SHISA6: variants seen among roughly 807,000 people sequenced by gnomAD.
SHISA6 encodes protein shisa-6.
SHISA6 carries 22 observed loss-of-function variants against 47.9 expected under a neutral mutation model. The observed-to-expected ratio is 0.46, with a 90% CI of 0.33 to 0.66. SHISA6 has a LOEUF of 0.66. Among genes scored for constraint, SHISA6 ranks in the 30% least tolerant of loss-of-function variants. SHISA6 has a pLI of 0.02. For missense variants in SHISA6, 680 were observed against 764.6 expected (o/e 0.89, Z 1.30); for synonymous variants, 388 against 337.8 (o/e 1.15, Z -1.63).
chr17:11,388,903 A>G (rs573945278), intron 3 of SHISA6, among the ~76,000 whole-genome samples: 2 of 148,450 alleles, frequency 1.3e-5, no homozygotes, highest in Admixed American at 1.4e-4. Context: ...TCTGTTTGCA[A>G]GTTCAGCCAT....
chr17:11,305,396 A>G (rs999249667), intron 2 of SHISA6, among the ~76,000 whole-genome samples: 2 of 152,344 alleles, frequency 1.3e-5, no homozygotes, highest in Admixed American at 1.3e-4. Context: ...ATGCACAGGA[A>G]GAGGGGGAGC....
chr17:11,242,079 G>T lies in SHISA6; in HGVS notation c.638+19G>T, dbSNP rs759055980. ...TCCACAGGTGAGAGCGCCGCGTGCC[G>T]CGCGCCCCGGTCTCCCCGCGGCCTC... On this transcript the variant is annotated intron_variant, in intron 1 of 5. Coordinates refer to ENST00000441885, the MANE Select transcript of SHISA6 (RefSeq NM_207386.4). 55 of 1,548,622 alleles carry T rather than the reference G, an allele frequency of 3.6e-5. No homozygotes were observed. Among genetic ancestry groups the T allele is most frequent in the Non-Finnish European group, 4.6e-5 (53 of 1,146,954 alleles).
chr17:11,531,934 A>C (rs1306070161), intron 3 of SHISA6, among the ~76,000 whole-genome samples: 2 of 152,260 alleles, frequency 1.3e-5, no homozygotes, highest in Non-Finnish European at 2.9e-5. Flanking sequence ...GTATCAAAAC[A>C]CTTTGTGCCA....
At chr17:11,262,468 A>C (rs1908266229) in intron 1 of SHISA6, among the ~76,000 whole-genome samples, 2 of 152,166 alleles carry the variant, frequency 1.3e-5, no homozygotes, top group South Asian at 4.1e-4. Flanking sequence ...TGGGTATCTC[A>C]CATGTCACAC....
chr17:11,402,390 G>C (rs1354718155), intron 3 of SHISA6, among the ~76,000 whole-genome samples: 1 of 152,168 alleles, frequency 6.6e-6, no homozygotes, highest in Non-Finnish European at 1.5e-5. Flanking sequence ...AATAATTCTA[G>C]ATGTTAATCA....
At chr17:11,274,280 G>A (rs1161677601) in intron 2 of SHISA6, among the ~76,000 whole-genome samples, 1 of 152,216 alleles carries the variant, frequency 6.6e-6, no homozygotes, top group Non-Finnish European at 1.5e-5. Flanking sequence ...CACCCAGGGA[G>A]CCAGAGGATT....
chr17:11,505,272 A>G (rs1411922735), intron 3 of SHISA6, among the ~76,000 whole-genome samples: 1 of 152,192 alleles, frequency 6.6e-6, no homozygotes, highest in African/African-American at 2.4e-5. Context: ...TTCTGGGTTC[A>G]CACACTATAG....
intron 2 of SHISA6, among the ~76,000 whole-genome samples, chr17:11,373,371 C>T (rs1488959921): frequency 6.6e-6 from 1 of 151,216 alleles, no homozygotes; most frequent in African/African-American, 2.4e-5. Context: ...TCCATCTATC[C>T]ATCCATCATT....
chr17:11,462,996 C>T (rs1253912157), intron 3 of SHISA6, among the ~76,000 whole-genome samples: 8 of 152,190 alleles, frequency 5.3e-5, no homozygotes, highest in African/African-American at 1.9e-4. Flanking sequence ...TGATCACTAC[C>T]ATGAAGCACA....
rs111435557 is a variant in SHISA6, at chr17:11,293,180, A to G, written c.799+29654A>G. Among the ~76,000 whole-genome samples the G allele has an allele frequency of 7.9e-3, 1,201 of 152,226 alleles. 11 individuals are homozygous for G. The highest frequency in any genetic ancestry group is 0.02 in the South Asian group (98 of 4,818). On this transcript the variant is annotated intron_variant, in intron 2 of 5. Coordinates refer to ENST00000441885, the MANE Select transcript of SHISA6 (RefSeq NM_207386.4). ...AGTTGCTGTATGGATTGATATTTTT[A>G]TAAGTTTTTCACAGTTGCATTCTAA...
chr17:11,379,004 C>G (rs866912338), intron 2 of SHISA6, among the ~76,000 whole-genome samples: 13 of 151,756 alleles, frequency 8.6e-5, no homozygotes, highest in African/African-American at 3.1e-4. Context: ...CCAGAAATGC[C>G]AAAATCAAGC....
At chr17:11,463,758 T>A (rs1425216634) in intron 3 of SHISA6, among the ~76,000 whole-genome samples, 1 of 152,266 alleles carries the variant, frequency 6.6e-6, no homozygotes, top group African/African-American at 2.4e-5. Context: ...CAATTATTTA[T>A]CCATTTTCCT....
chr17:11,291,851 T>C (rs1311942713), intron 2 of SHISA6, among the ~76,000 whole-genome samples: 1 of 152,104 alleles, frequency 6.6e-6, no homozygotes. Flanking sequence ...GAGACATCAG[T>C]TTGACTAGAT....
chr17:11,332,507 G>A (rs546617081), intron 2 of SHISA6, among the ~76,000 whole-genome samples: 2 of 152,218 alleles, frequency 1.3e-5, no homozygotes, highest in East Asian at 1.9e-4. Context: ...TTTGTCAGTC[G>A]TAAAATAAAC....
intron 3 of SHISA6, among the ~76,000 whole-genome samples, chr17:11,526,911 ATATATATATATATATATATATATATT>A (rs1173925282): frequency 1.7e-4 from 4 of 23,114 alleles, no homozygotes; most frequent in African/African-American, 7.2e-4. Flanking sequence ...ATATATATAT[ATATATATATATATATATATATATATT>A]ATAATGATCA....
intron 3 of SHISA6, among the ~76,000 whole-genome samples, chr17:11,501,887 G>A (rs1299125626): frequency 6.6e-6 from 1 of 152,174 alleles, no homozygotes; most frequent in Non-Finnish European, 1.5e-5. Flanking sequence ...GGGCAGGAGA[G>A]ATGGACAGAG....
chr17:11,289,825 CTCTCT>C (rs556254064), intron 2 of SHISA6: 1 of 152,136 alleles, frequency 6.6e-6, no homozygotes, highest in East Asian at 1.9e-4. Context: ...CTTGTGCTCT[CTCTCT>C]TATTTCTGAC....
chr17:11,519,955 C>G (rs2071615575), intron 3 of SHISA6, among the ~76,000 whole-genome samples: 1 of 152,140 alleles, frequency 6.6e-6, no homozygotes, highest in African/African-American at 2.4e-5. Flanking sequence ...GTCATTGGCC[C>G]CAAGCTTTAG....
intron 3 of SHISA6, among the ~76,000 whole-genome samples, chr17:11,438,537 T>C (rs1428016133): frequency 6.6e-6 from 1 of 152,196 alleles, no homozygotes; most frequent in Non-Finnish European, 1.5e-5. Context: ...CCTCTGTTTG[T>C]GCTGGGAGGC....
Sources: gnomAD v4.1 joint callset for allele counts (sites outside exome capture counted in the v4.1 genomes callset) on GRCh38, gnomAD v4.1.1 for gene constraint, MANE v1.5 for transcripts, NCBI Gene and HGNC (gene_info 2026-07-23, HGNC 2026-07-21) for gene names.